The following FHOD3 variants were observed in gnomAD, a reference collection of about 807,000 sequenced individuals.
FHOD3 encodes formin homology 2 domain containing 3.
A neutral mutation model predicts 173.0 loss-of-function variants in FHOD3; 90 were observed. The observed-to-expected ratio is 0.52, with a 90% CI of 0.44 to 0.62. FHOD3 has a LOEUF of 0.62. Ranked by LOEUF, FHOD3 falls within the 20% of genes least tolerant of loss-of-function variation. FHOD3 has a pLI of 0.00. For missense variants in FHOD3, 1,945 were observed against 2,034.7 expected (o/e 0.96, Z 0.85); for synonymous variants, 828 against 823.0 (o/e 1.01, Z -0.10).
chr18:36,642,559 G>A (rs1425286971), intron 10 of FHOD3, among the ~76,000 whole-genome samples: 1 of 140,022 alleles, frequency 7.1e-6, no homozygotes, highest in Non-Finnish European at 1.5e-5. Context: ...CTCCAGCCTG[G>A]GCAAAAGAGC....
At chr18:36,617,062 C>T (rs1420957944) in intron 9 of FHOD3, among the ~76,000 whole-genome samples, 1 of 152,222 alleles carries the variant, frequency 6.6e-6, no homozygotes, top group Admixed American at 6.5e-5. Flanking sequence ...AGAGTCATGG[C>T]TCACAAATCC....
chr18:36,689,875 G>T (rs1226657552), intron 16 of FHOD3, among the ~76,000 whole-genome samples: 1 of 152,170 alleles, frequency 6.6e-6, no homozygotes, highest in African/African-American at 2.4e-5. Context: ...GTAAGAAAGG[G>T]TTCTGAGCCT....
chr18:36,475,213 G>A (rs1041812674), intron 3 of FHOD3, among the ~76,000 whole-genome samples: 1 of 152,158 alleles, frequency 6.6e-6, no homozygotes, highest in Non-Finnish European at 1.5e-5. Context: ...AGTCAGCCCA[G>A]ATGTGGCTTT....
At chr18:36,382,887 C>T (rs1222358242) in intron 3 of FHOD3, among the ~76,000 whole-genome samples, 1 of 152,142 alleles carries the variant, frequency 6.6e-6, no homozygotes, top group African/African-American at 2.4e-5. Context: ...GTTTGGGCAC[C>T]GATTTCCCTA....
At chr18:36,312,208 C>T (rs1282566036) in intron 1 of FHOD3, among the ~76,000 whole-genome samples, 6 of 152,176 alleles carry the variant, frequency 3.9e-5, no homozygotes, top group East Asian at 1.9e-4. Flanking sequence ...GAATGCTTGC[C>T]GTTCTGTTTG....
intron 5 of FHOD3, among the ~76,000 whole-genome samples, chr18:36,530,185 G>A (rs770900564): frequency 1.3e-5 from 2 of 152,206 alleles, no homozygotes; most frequent in Non-Finnish European, 2.9e-5. Context: ...GGTATAAAGA[G>A]TAATAAAGTG....
chr18:36,302,495 G>T (rs2091980158), intron 1 of FHOD3, among the ~76,000 whole-genome samples: 1 of 152,166 alleles, frequency 6.6e-6, no homozygotes, highest in South Asian at 2.1e-4. Flanking sequence ...GGTGATTTAG[G>T]TCAGGCTCTC....
At position 36,348,681 on chromosome 18, in the gene FHOD3, G is replaced by A. The variant is rs1188916144; in HGVS notation, c.166-6858G>A. 2.0e-5 allele frequency among the ~76,000 whole-genome samples: 3 copies of A among 152,278 alleles called. No individual in the cohort carries two copies. The East Asian group carries it at 5.8e-4, about 29-fold the overall frequency. ...CTCACTCCCCGGTGCTCCAGGCTCT[G>A]TTTGGGCTCCCCTTCCTTGCTTTTA... On this transcript the variant is annotated intron_variant, in intron 1 of 28. Coordinates refer to ENST00000590592, the MANE Select transcript of FHOD3 (RefSeq NM_001281740.3).
At chr18:36,320,554 A>T (rs947568023) in intron 1 of FHOD3, among the ~76,000 whole-genome samples, 5 of 152,252 alleles carry the variant, frequency 3.3e-5, no homozygotes, top group African/African-American at 4.8e-5. Flanking sequence ...CTACCAGAGT[A>T]AAAAGAGGAG....
intron 10 of FHOD3, among the ~76,000 whole-genome samples, chr18:36,642,571 A>T: frequency 7.3e-6 from 1 of 136,472 alleles, no homozygotes. Flanking sequence ...CAAAAGAGCG[A>T]GACTCCGTCT....
At chr18:36,640,591 A>T (rs1036634722) in intron 10 of FHOD3, among the ~76,000 whole-genome samples, 1 of 152,220 alleles carries the variant, frequency 6.6e-6, no homozygotes, top group South Asian at 2.1e-4. Context: ...TATATGTCCT[A>T]TGCATTTTAT....
chr18:36,308,847 A>G (rs2092173663), intron 1 of FHOD3, among the ~76,000 whole-genome samples: 1 of 152,250 alleles, frequency 6.6e-6, no homozygotes, highest in African/African-American at 2.4e-5. Flanking sequence ...TTGCAGCAAT[A>G]GGAAAGTGTC....
chr18:36,392,570 C>T (rs527537771), intron 3 of FHOD3, among the ~76,000 whole-genome samples: 29 of 152,282 alleles, frequency 1.9e-4, no homozygotes, highest in African/African-American at 6.3e-4. Flanking sequence ...TACTTCCTGC[C>T]CTCCCAGGCT....
rs931491116 is a variant in FHOD3 at position 36,743,459 on chromosome 18, C to T, written c.3880-573C>T. Among the ~76,000 whole-genome samples, 6 of 152,208 alleles carry T rather than the reference C, an allele frequency of 3.9e-5. No individual in the cohort carries two copies. The South Asian group carries it at 1.2e-3, about 32-fold the overall frequency. ...CTTGACATTGGAAAACTTCCTTCTG[C>T]CCCATTTTTTTTCTGAGCTTATCAC... On this transcript the variant is annotated intron_variant, in intron 22 of 28. Transcript: ENST00000590592.
intron 1 of FHOD3, among the ~76,000 whole-genome samples, chr18:36,308,524 G>A (rs894211960): frequency 1.3e-5 from 2 of 152,130 alleles, no homozygotes; most frequent in Non-Finnish European, 1.5e-5. Context: ...TAAATTACAT[G>A]TATGTATCCC....
chr18:36,769,126 A>G (rs2043265465), intron 27 of FHOD3, 139 bp from the exon 28 acceptor site: 11 of 955,442 alleles, frequency 1.2e-5, no homozygotes, highest in South Asian at 8.2e-5. Flanking sequence ...TGGATCTATC[A>G]CTAGCTCTGG....
intron 5 of FHOD3, among the ~76,000 whole-genome samples, chr18:36,561,433 A>G (rs1340181974): frequency 1.3e-5 from 2 of 152,302 alleles, no homozygotes; most frequent in Admixed American, 6.5e-5. Context: ...ACCACCTCCC[A>G]GGACTGTTAG....
intron 3 of FHOD3, among the ~76,000 whole-genome samples, chr18:36,460,779 A>T (rs900552671): frequency 6.6e-6 from 1 of 152,232 alleles, no homozygotes; most frequent in African/African-American, 2.4e-5. Context: ...AAATTTGGAC[A>T]TTAAGACCTG....
chr18:36,778,296 T>A (rs2043835395), intron 28 of FHOD3: 1 of 152,154 alleles, frequency 6.6e-6, no homozygotes, highest in African/African-American at 2.4e-5. Flanking sequence ...TGAGCTTACT[T>A]TCTCTGAACT....
Sources: gnomAD v4.1 joint callset for allele counts (sites outside exome capture counted in the v4.1 genomes callset) on GRCh38, gnomAD v4.1.1 for gene constraint, MANE v1.5 for transcripts, NCBI Gene and HGNC (gene_info 2026-07-23, HGNC 2026-07-21) for gene names.